Variants in GLB1L observed in about 807,000 individuals in gnomAD.
GLB1L encodes the protein galactosidase beta 1 like.
In GLB1L, 58 loss-of-function variants were observed where a neutral mutation model predicts 75.7. The observed-to-expected ratio is 0.77, with a 90% CI of 0.62 to 0.95. The LOEUF (loss-of-function observed/expected upper bound fraction) is 0.95. GLB1L is among the 40% of genes least tolerant of loss of function. The pLI, the probability that GLB1L is intolerant of heterozygous loss-of-function variation, is 0.00. For missense variants in GLB1L, 797 were observed against 805.5 expected, an observed-to-expected ratio of 0.99 and a Z score of 0.13; for synonymous variants, 296 against 303.0, an observed-to-expected ratio of 0.98 and a Z score of 0.24.
chr2:219,237,180 C>T lies in GLB1L; in HGVS notation c.1857G>A (p.Leu619=), dbSNP rs751406171. The T allele has an allele frequency of 6.2e-7, 1 of 1,614,108 alleles. No individual in the cohort carries two copies. The highest frequency in any genetic ancestry group is 8.5e-7 in the Non-Finnish European group (1 of 1,180,018). Residue 619 remains leucine, a synonymous_variant, in exon 17 of 17, where the codon TTG becomes TTA. Coordinates refer to ENST00000295759, the MANE Select transcript of GLB1L (RefSeq NM_001286423.2). ...DVPLQPQVQF[L]DKPILNSTST... is the part of the protein sequence containing the mutation. The stretch of plus-strand genomic sequence containing the variant: ...TAGTGCTATTGAGGATAGGCTTATC[C>T]AAAAATTGGACTTGGGGCTGGAGAG...
At position 219,243,541 on chromosome 2, in the gene GLB1L, G is replaced by A. The variant is rs767206557; in HGVS notation, c.33C>T (p.Ser11=). 1.5e-5 allele frequency: 24 copies of A among 1,614,228 alleles called. No individual in the cohort carries two copies. Among genetic ancestry groups the A allele is most frequent in the Middle Eastern group, 1.6e-4 (1 of 6,062 alleles). Residue 11 remains serine, a synonymous_variant, in exon 2 of 17, where the codon TCC becomes TCT. Transcript: ENST00000295759. ...GCGTCAGGCTGAGCGGCAGCAGCAG[G>A]GAACGAAGGCAGGACAGCTTCTTGG... MAPKKLSCLR[S]LLLPLSLTLL...
In GLB1L at chr2:219,239,197, C is replaced by T; in HGVS notation, c.957G>A (p.Lys319=). The T allele has an allele frequency of 1.2e-6, 2 of 1,612,020 alleles. No homozygotes were observed. The highest frequency in any genetic ancestry group is 1.7e-6 in the Non-Finnish European group (2 of 1,179,092). ...NFGYWNGADK[K]GRFLPITTSY... ...TGGTAGTAATCGGAAGGAAGCGTCC[C>T]TTCTTATCGGCACCTGAAGTTGAGC... Residue 319 remains lysine (K), a synonymous_variant, in exon 11 of 17, where the codon AAG becomes AAA. Transcript: ENST00000295759.
Position 219,242,579 on chromosome 2 carries a change from G to A in GLB1L, c.391-5C>T. On this transcript the variant is annotated splice_polypyrimidine_tract_variant and splice_region_variant and intron_variant, in intron 4 of 16. Coordinates refer to ENST00000295759, the MANE Select transcript of GLB1L (RefSeq NM_001286423.2). ...CAACCAGGATGGGAGACCCCCCTGA[G>A]ACAAACATAAAGAGAACAAAGAAGC... 1 of 1,612,436 alleles carries A rather than the reference G, an allele frequency of 6.2e-7. No individual in the cohort carries two copies. The highest frequency in any genetic ancestry group is 8.5e-7 in the Non-Finnish European group (1 of 1,178,636).
In GLB1L at chr2:219,243,819, G is replaced by T. The variant is rs1337902805; in HGVS notation, c.-70-176C>A. On this transcript the variant is annotated intron_variant, in intron 1 of 16. Transcript: ENST00000295759. The stretch of plus-strand genomic sequence containing the variant: ...CACCTGGGAACTTGTTAGAAATGGA[G>T]AATCTGGCTGGGCACGATGGCTCAC... The T allele has an allele frequency of 1.0e-5, 5 of 476,928 alleles. No homozygotes were observed. In the East Asian group the frequency reaches 2.0e-4, roughly 19 times the overall value. 29.5% of individuals were successfully genotyped at this position (476,928 alleles called of 1,614,324 possible). A position where few individuals can be genotyped will look rare whatever the true frequency, so the allele number is the denominator to read the frequency against.
intron 10 of GLB1L, 64 bp from the exon 11 acceptor site, chr2:219,239,274 C>T (rs943547645): frequency 1.7e-5 from 26 of 1,499,784 alleles, no homozygotes; most frequent in Non-Finnish European, 1.7e-5. Flanking sequence ...ACTAAGCATG[C>T]TTCATGCAGA....
At position 219,236,608 on chromosome 2, in the gene GLB1L, G is replaced by T. The variant is rs1349464221; in HGVS notation, c.*464C>A. ...ACAGGGCTAGAGGTATGTGGAGCTG[G>T]TACTGTCTCTGGAATTTTAATCACA... On this transcript the variant is annotated 3_prime_UTR_variant, in exon 17 of 17. Coordinates refer to ENST00000295759, the MANE Select transcript of GLB1L (RefSeq NM_001286423.2). 4 of 903,318 alleles carry T rather than the reference G, an allele frequency of 4.4e-6. No homozygotes were observed. The African/African-American group carries it at 6.7e-5, about 15-fold the overall frequency. The allele number at this position is 903,318 out of a possible 1,614,324, so 56.0% of individuals were successfully genotyped here.
chr2:219,236,727 C>T lies in GLB1L; in HGVS notation c.*345G>A. 1 of 436,992 alleles carries T rather than the reference C, an allele frequency of 2.3e-6. No individual in the cohort carries two copies. 27.1% of individuals were successfully genotyped at this position (436,992 alleles called of 1,614,324 possible). A position where few individuals can be genotyped will look rare whatever the true frequency, so the allele number is the denominator to read the frequency against. On this transcript the variant is annotated 3_prime_UTR_variant, in exon 17 of 17. Coordinates refer to ENST00000295759, the MANE Select transcript of GLB1L (RefSeq NM_001286423.2). ...GTCACCGTGGCCAGCACCAAGGGATCCTGCCCACTCCATGTCCCAGGTCCA... is the reference window on the plus strand; with the variant it reads ...GTCACCGTGGCCAGCACCAAGGGATTCTGCCCACTCCATGTCCCAGGTCCA...
In GLB1L at chr2:219,242,903, G is replaced by A. The variant is rs1248657103; in HGVS notation, c.255C>T (p.Asn85=). 3.1e-6 allele frequency: 5 copies of A among 1,614,094 alleles called. No homozygotes were observed. The highest frequency in any genetic ancestry group is 4.2e-6 in the Non-Finnish European group (5 of 1,180,042). ...LNAIQFYVPW[N]YHEPQPGVYN... Reference sequence around the variant, plus strand: ...AGACCCCAGGCTGTGGCTCGTGGTAGTTCCAGGGCACATAACTGAGAAAGG... The same window carrying A: ...AGACCCCAGGCTGTGGCTCGTGGTAATTCCAGGGCACATAACTGAGAAAGG... Residue 85 remains asparagine, a synonymous_variant, in exon 4 of 17, where the codon AAC becomes AAT. Transcript: ENST00000295759.
In GLB1L at chr2:219,237,673, A is replaced by G. The variant is rs372817299; in HGVS notation, c.1528T>C (p.Phe510Leu). ...GQTILTQWMM[F>L]PLKIDNLVKW... The stretch of plus-strand genomic sequence containing the variant: ...ACAAGGTTATCAATTTTCAGAGGGA[A>G]CATCATCCACTGGGTAAGGATTGTT... The change falls in exon 16 of 17, where the codon TTC (phenylalanine) becomes CTC (leucine). Residue 510 changes from phenylalanine (F) to leucine (L), a missense_variant. Coordinates refer to ENST00000295759, the MANE Select transcript of GLB1L (RefSeq NM_001286423.2). The G allele has an allele frequency of 2.5e-6, 4 of 1,614,124 alleles. No individual in the cohort carries two copies. In the African/African-American group the frequency reaches 5.3e-5, roughly 22 times the overall value.
chr2:219,240,612 C>T (rs1315097230), intron 5 of GLB1L, among the ~76,000 whole-genome samples: 2 of 151,874 alleles, frequency 1.3e-5, no homozygotes, highest in African/African-American at 4.8e-5. Flanking sequence ...GGCATGGTGG[C>T]GGGTGCCTGT....
intron 3 of GLB1L, 68 bp downstream of exon 3, chr2:219,243,080 C>T: frequency 3.2e-6 from 5 of 1,557,704 alleles, no homozygotes; most frequent in Non-Finnish European, 4.4e-6. Flanking sequence ...CTGTCCCGAC[C>T]TTCTTTATAA....
intron 5 of GLB1L, 94 bp downstream of exon 5, chr2:219,242,419 GA>G (rs1369206454): frequency 1.1e-6 from 1 of 874,410 alleles, no homozygotes; most frequent in Non-Finnish European, 2.0e-6. Flanking sequence ...AATGAATGAT[GA>G]CCTCCAATTT....
At chr2:219,239,030 G>T in intron 11 of GLB1L, 62 bp downstream of exon 11, 1 of 1,168,410 alleles carries the variant, frequency 8.6e-7, no homozygotes, top group Non-Finnish European at 1.3e-6. Context: ...CCTTTACAAT[G>T]TGGGCACTCC....
At position 219,238,760 on chromosome 2, in the gene GLB1L, C is replaced by G; in HGVS notation, c.1082G>C (p.Gly361Ala). ...CTTGGGGCTCGGGGGAGGTAAAGGTCCCAAAGGAACTTCCTGGAACTGAGC... is the reference window on the plus strand; with the variant it reads ...CTTGGGGCTCGGGGGAGGTAAAGGTGCCAAAGGAACTTCCTGGAACTGAGC... ...VISKFQEVPL[G>A]PLPPPSPKMM... Residue 361 changes from glycine to alanine, a missense_variant, in exon 12 of 17, where the codon GGA (glycine) becomes GCA (alanine). Physicochemically the swap from Gly to Ala is moderately conservative, Grantham distance 60 (BLOSUM62 0). Coordinates refer to ENST00000295759, the MANE Select transcript of GLB1L (RefSeq NM_001286423.2). 6.2e-7 allele frequency: 1 copy of G among 1,613,668 alleles called. No homozygotes were observed. The highest frequency in any genetic ancestry group is 1.1e-5 in the South Asian group (1 of 91,024).
At chr2:219,242,483 C>CT in intron 5 of GLB1L, 31 bp downstream of exon 5, 1 of 1,561,166 alleles carries the variant, frequency 6.4e-7, no homozygotes, top group Non-Finnish European at 8.8e-7. Context: ...TACTTACTTG[C>CT]TTCTGTGTTA....
In GLB1L at chr2:219,237,957, C is replaced by T. The variant is rs1316762512; in HGVS notation, c.1342G>A (p.Val448Met). The T allele has an allele frequency of 4.2e-5, 68 of 1,613,922 alleles. 1 individual carries two copies. The highest frequency in any genetic ancestry group is 5.7e-5 in the Non-Finnish European group (67 of 1,179,954). The change falls in exon 15 of 17, where the codon GTG becomes ATG. Residue 448 changes from valine (V) to methionine (M), a missense_variant and splice_region_variant. Physicochemically the swap from Val to Met is conservative, Grantham distance 21 (BLOSUM62 1). Transcript: ENST00000295759. Reference sequence around the variant, plus strand: ...TTTCGCTCCACAACACCCTGGAACACCTGTGGATAGGAGATAGGATAGGAG... The same window carrying T: ...TTTCGCTCCACAACACCCTGGAACATCTGTGGATAGGAGATAGGATAGGAG... ...HDRAYVMVDG[V>M]FQGVVERNMR... is the part of the protein sequence containing the mutation.
chr2:219,239,212 T>C lies in GLB1L; in HGVS notation c.944-2A>G, dbSNP rs1338274673. 1 of 1,602,048 alleles carries C rather than the reference T, an allele frequency of 6.2e-7. No homozygotes were observed. The highest frequency in any genetic ancestry group is 8.5e-7 in the Non-Finnish European group (1 of 1,171,088). ...GGAAGCGTCCCTTCTTATCGGCACC[T>C]GAAGTTGAGCCAATTTAATTAATTC... On this transcript the variant is annotated splice_acceptor_variant, in intron 10 of 16. Transcript: ENST00000295759. LOFTEE classifies it high-confidence loss of function.
At chr2:219,245,042 T>C (rs1281354458) in intron 1 of GLB1L, among the ~76,000 whole-genome samples, 187 bp downstream of exon 1, 1 of 152,164 alleles carries the variant, frequency 6.6e-6, no homozygotes, top group East Asian at 1.9e-4. Flanking sequence ...AAACTGGAAG[T>C]CTGGTTCACA....
Position 219,239,787 on chromosome 2 carries a change from G to T in GLB1L, c.768C>A (p.Pro256=). The change falls in exon 8 of 17, where the codon CCC becomes CCA. Residue 256 remains proline, a synonymous_variant. Coordinates refer to ENST00000295759, the MANE Select transcript of GLB1L (RefSeq NM_001286423.2). ...KIFTLLRKYE[P]HGPLVNSEYY... ...TCTGGCCCCTCACCAATGGCCCATG[G>T]GGTTCATACTTCCGAAGCAGGGTAA... is the stretch of plus-strand genomic sequence containing the variant. The T allele has an allele frequency of 6.2e-7, 1 of 1,614,146 alleles. No homozygotes were observed.
Sources: gnomAD v4.1 joint callset for allele counts (sites outside exome capture counted in the v4.1 genomes callset) on GRCh38, gnomAD v4.1.1 for gene constraint, MANE v1.5 for transcripts, NCBI Gene and HGNC (gene_info 2026-07-23, HGNC 2026-07-21) for gene names.